TGM7: variants seen among roughly 807,000 people sequenced by gnomAD.
TGM7 encodes the protein protein-glutamine gamma-glutamyltransferase Z.
Under a neutral mutation model 79.5 loss-of-function variants are expected in TGM7, and 74 were observed. That is an observed-to-expected ratio of 0.93 (90% CI 0.77 to 1.13). The LOEUF (loss-of-function observed/expected upper bound fraction) is 1.13, where lower values mean the gene tolerates loss of function less well. Ranked by LOEUF, TGM7 falls within the 50% of genes most tolerant of loss-of-function variation. The probability of loss-of-function intolerance (pLI) is 0.00; values close to 1 mark genes in which losing one functional copy is unlikely to be tolerated. For synonymous variants in TGM7, 354 were observed against 362.5 expected, an observed-to-expected ratio of 0.98 and a Z score of 0.27; for missense variants, 912 against 905.9, an observed-to-expected ratio of 1.01 and a Z score of -0.09.
In TGM7 at chr15:43,284,685, T is replaced by C. The variant is rs1391479310; in HGVS notation, c.1004+129A>G. On this transcript the variant is annotated intron_variant, in intron 7 of 12. Coordinates refer to ENST00000452443, the MANE Select transcript of TGM7 (RefSeq NM_052955.3). ...CCTCCTGGGTTGGGGAATTCTTCTCTTCTCTGAGCATTAGCAGCAATGCTC... is the reference window on the plus strand; with the variant it reads ...CCTCCTGGGTTGGGGAATTCTTCTCCTCTCTGAGCATTAGCAGCAATGCTC... 1.3e-5 allele frequency: 15 copies of C among 1,166,100 alleles called. No homozygotes were observed. In the Admixed American group the frequency reaches 2.7e-4, roughly 21 times the overall value. 72.2% of individuals were successfully genotyped at this position (1,166,100 alleles called of 1,614,324 possible).
In TGM7 at chr15:43,277,010, G is replaced by T; in HGVS notation, c.1840-15C>A. 6.2e-7 allele frequency: 1 copy of T among 1,613,326 alleles called. No homozygotes were observed. Among genetic ancestry groups the T allele is most frequent in the Non-Finnish European group, 8.5e-7 (1 of 1,179,748 alleles). ...CTCTCAGACACCTGTGTGGAGAGAAGTCAGCAATCCCATGGGCAACTGGCC... is the reference window on the plus strand; with the variant it reads ...CTCTCAGACACCTGTGTGGAGAGAATTCAGCAATCCCATGGGCAACTGGCC... On this transcript the variant is annotated splice_polypyrimidine_tract_variant and intron_variant, in intron 11 of 12. Transcript: ENST00000452443.
In TGM7 at chr15:43,287,271, T is replaced by G. The variant is rs2042939824; in HGVS notation, c.865+9A>C. The G allele has an allele frequency of 6.2e-7, 1 of 1,611,246 alleles. No homozygotes were observed. Among genetic ancestry groups the G allele is most frequent in the Non-Finnish European group, 8.5e-7 (1 of 1,179,328 alleles). On this transcript the variant is annotated intron_variant, in intron 6 of 12. Coordinates refer to ENST00000452443, the MANE Select transcript of TGM7 (RefSeq NM_052955.3). ...AATCACACCCCTAAGTGAGTGATCT[T>G]TCGCTCACCGGTGCACATAACAGAG...
At chr15:43,282,673 G>T in intron 7 of TGM7, 53 bp from the exon 8 acceptor site, 1 of 1,411,152 alleles carries the variant, frequency 7.1e-7, no homozygotes, top group Non-Finnish European at 9.8e-7. Context: ...GTTTTGCCAG[G>T]TACCAGGCAC....
rs774865695 is a variant in TGM7 at position 43,279,685 on chromosome 15, C to T, written c.1618G>A (p.Gly540Ser). The part of the protein sequence containing the change: ...RFCAQALLHG[G>S]GTQKPFWRHT... ...CTCCAGAAGGGCTTCTGGGTACCAC[C>T]CCCATGCAGCAGGGCCTGTGCACAG... The change falls in exon 10 of 13, where the codon GGT (glycine) becomes AGT (serine). Residue 540 changes from glycine to serine, a missense_variant. Physicochemically the swap from Gly to Ser is moderately conservative, Grantham distance 56. Transcript: ENST00000452443. The T allele has an allele frequency of 8.7e-6, 14 of 1,613,304 alleles. No homozygotes were observed. In the South Asian group the frequency reaches 1.1e-4, roughly 13 times the overall value.
At chr15:43,291,402 A>G (rs1013888198) in intron 4 of TGM7, among the ~76,000 whole-genome samples, 1 of 152,242 alleles carries the variant, frequency 6.6e-6, no homozygotes, top group Non-Finnish European at 1.5e-5. Flanking sequence ...TCTCTGTCTT[A>G]ATAACTCAAT....
Position 43,293,443 on chromosome 15 carries a change from A to G in TGM7, c.193+6T>C, listed in dbSNP as rs760252061. On this transcript the variant is annotated splice_donor_region_variant and intron_variant, in intron 2 of 12. Coordinates refer to ENST00000452443, the MANE Select transcript of TGM7 (RefSeq NM_052955.3). Reference sequence around the variant, plus strand: ...CCTGCGGGGCCTTGGGACAGGGCAAACTCACCGGTCTCAGCCACAAAGGTG... The same window carrying G: ...CCTGCGGGGCCTTGGGACAGGGCAAGCTCACCGGTCTCAGCCACAAAGGTG... 6.3e-7 allele frequency: 1 copy of G among 1,593,008 alleles called. No homozygotes were observed. Among genetic ancestry groups the G allele is most frequent in the African/African-American group, 1.3e-5 (1 of 74,448 alleles).
Position 43,279,397 on chromosome 15 carries a change from A to G in TGM7, c.1679-120T>C, listed in dbSNP as rs1195728820. ...TGAGAGGTAAAAGTGTGTGTGAGAG[A>G]CAGACAGACAGCGTCCCACCACGCA... On this transcript the variant is annotated intron_variant, in intron 10 of 12. Coordinates refer to ENST00000452443, the MANE Select transcript of TGM7 (RefSeq NM_052955.3). 9.9e-6 allele frequency: 12 copies of G among 1,217,382 alleles called. No individual in the cohort carries two copies. In the East Asian group the frequency reaches 2.5e-4, roughly 25 times the overall value. 75.4% of individuals were successfully genotyped at this position (1,217,382 alleles called of 1,614,324 possible).
intron 1 of TGM7, among the ~76,000 whole-genome samples, chr15:43,296,164 G>A (rs566609109): frequency 6.6e-6 from 1 of 152,166 alleles, no homozygotes; most frequent in Non-Finnish European, 1.5e-5. Context: ...GGTGGCTCAC[G>A]CCTGTAATCC....
chr15:43,280,057 C>T (rs528786373), intron 9 of TGM7, 106 bp from the exon 10 acceptor site: 27 of 1,021,924 alleles, frequency 2.6e-5, no homozygotes, highest in African/African-American at 6.4e-5. Flanking sequence ...GGAGGCGGCG[C>T]GGCTCAGGTG....
At chr15:43,297,307 G>A (rs2043001177) in intron 1 of TGM7, among the ~76,000 whole-genome samples, 1 of 151,900 alleles carries the variant, frequency 6.6e-6, no homozygotes, top group Non-Finnish European at 1.5e-5. Flanking sequence ...ACAAAAATTA[G>A]CCAGGCATGG....
chr15:43,277,249 CCCA>C (rs2042882922), intron 11 of TGM7, among the ~76,000 whole-genome samples: 1 of 152,200 alleles, frequency 6.6e-6, no homozygotes, highest in African/African-American at 2.4e-5. Flanking sequence ...CGTTTCTGTC[CCCA>C]CCATCTAGTT....
At chr15:43,283,268 T>C (rs141157276) in intron 7 of TGM7, among the ~76,000 whole-genome samples, 8 of 152,352 alleles carry the variant, frequency 5.3e-5, no homozygotes, top group African/African-American at 1.9e-4. Context: ...GATGCCTTTA[T>C]CTAATTTACT....
intron 7 of TGM7, 59 bp from the exon 8 acceptor site, chr15:43,282,679 G>C (rs2042915746): frequency 5.5e-6 from 7 of 1,281,728 alleles, no homozygotes; most frequent in Non-Finnish European, 7.8e-6. Context: ...CCAGGTACCA[G>C]GCACTATACG....
At chr15:43,285,921 T>G (rs1204301987) in intron 6 of TGM7, among the ~76,000 whole-genome samples, 1 of 152,010 alleles carries the variant, frequency 6.6e-6, no homozygotes, top group Non-Finnish European at 1.5e-5. Flanking sequence ...AAGAGCCAGG[T>G]GTGACCCTGA....
chr15:43,292,132 C>A, intron 3 of TGM7, 35 bp from the exon 4 acceptor site: 3 of 1,454,152 alleles, frequency 2.1e-6, no homozygotes, highest in Non-Finnish European at 2.9e-6. Flanking sequence ...GGGCAAAACC[C>A]CAAACCAAAA....
chr15:43,279,798 C>T lies in TGM7; in HGVS notation c.1505G>A (p.Trp502Ter). ...CAGCAGCAGCTGCAGGTCCTGGCCC[C>T]ACTCGGGTATCCTGGCCAGGTGAAG... The part of the protein sequence containing the change: ...LQLHLARIPE[W>*]GQDLQLLLRI... Residue 502 changes from tryptophan (W) to a stop codon, truncating the protein, a stop_gained, in exon 10 of 13, where the codon TGG becomes TAG. Transcript: ENST00000452443. LOFTEE classifies it high-confidence loss of function. 6.2e-7 allele frequency: 1 copy of T among 1,614,206 alleles called. No homozygotes were observed.
In TGM7 at chr15:43,279,653, T is replaced by C. The variant is rs987266072; in HGVS notation, c.1650A>G (p.Thr550=). ...TCCCAAAGTCCAGGTTCATCCGCACTGTGTGCCTCCAGAAGGGCTTCTGGG... is the reference window on the plus strand; with the variant it reads ...TCCCAAAGTCCAGGTTCATCCGCACCGTGTGCCTCCAGAAGGGCTTCTGGG... The part of the protein sequence containing the change: ...GGTQKPFWRH[T]VRMNLDFGKE... Residue 550 remains threonine (T), a synonymous_variant, in exon 10 of 13, where the codon ACA becomes ACG. Transcript: ENST00000452443. 1 of 1,607,662 alleles carries C rather than the reference T, an allele frequency of 6.2e-7. No individual in the cohort carries two copies.
At chr15:43,294,377 C>T (rs769956671) in intron 1 of TGM7, among the ~76,000 whole-genome samples, 2 of 152,250 alleles carry the variant, frequency 1.3e-5, no homozygotes, top group African/African-American at 2.4e-5. Context: ...TGGACTGACA[C>T]AGCCTCAGGT....
At chr15:43,287,226 A>T in intron 6 of TGM7, 54 bp downstream of exon 6, 2 of 1,563,292 alleles carry the variant, frequency 1.3e-6, no homozygotes, top group Middle Eastern at 2.3e-4. Flanking sequence ...GCCACAGTTA[A>T]CTTCTCTGAT....
Sources: gnomAD v4.1 joint callset for allele counts (sites outside exome capture counted in the v4.1 genomes callset) on GRCh38, gnomAD v4.1.1 for gene constraint, MANE v1.5 for transcripts, NCBI Gene and HGNC (gene_info 2026-07-23, HGNC 2026-07-21) for gene names.